The following CDK6 variants were observed in gnomAD, a reference collection of about 807,000 sequenced individuals.
CDK6 encodes cyclin-dependent kinase 6.
In CDK6, 6 loss-of-function variants were observed where a neutral mutation model predicts 37.1. The ratio of observed to expected loss-of-function variants is 0.16; its 90% CI spans 0.09 to 0.32. CDK6 has a LOEUF of 0.32. Ranked by LOEUF, CDK6 falls within the 10% of genes least tolerant of loss-of-function variation. CDK6 has a pLI of 1.00. For synonymous variants in CDK6, 160 were observed against 161.3 expected (o/e 0.99, Z 0.06); for missense variants, 224 against 418.9 (o/e 0.53, Z 4.06).
chr7:92,687,127 C>T (rs1312234215), intron 4 of CDK6, among the ~76,000 whole-genome samples: 2 of 152,142 alleles, frequency 1.3e-5, no homozygotes, highest in South Asian at 2.1e-4. Context: ...AGAAGCAGGG[C>T]CTCGTGATAC....
chr7:92,683,805 C>T (rs1392186064), intron 4 of CDK6, among the ~76,000 whole-genome samples: 1 of 152,052 alleles, frequency 6.6e-6, no homozygotes, highest in African/African-American at 2.4e-5. Flanking sequence ...TCATGCTGTT[C>T]ATTTAGCAAG....
intron 3 of CDK6, among the ~76,000 whole-genome samples, chr7:92,735,798 C>G (rs979232008): frequency 6.6e-6 from 1 of 152,172 alleles, no homozygotes; most frequent in Non-Finnish European, 1.5e-5. Flanking sequence ...ATAGAACATT[C>G]TCACCGATTA....
intron 3 of CDK6, among the ~76,000 whole-genome samples, chr7:92,727,591 G>A (rs1798542226): frequency 6.6e-6 from 1 of 152,120 alleles, no homozygotes; most frequent in African/African-American, 2.4e-5. Context: ...CCTGATTTCT[G>A]GGGGAGACTG....
chr7:92,606,565 T>C lies in CDK6; in HGVS notation c.*8575A>G. On this transcript the variant is annotated 3_prime_UTR_variant, in exon 8 of 8. Transcript: ENST00000424848. Reference sequence around the variant, plus strand: ...TCACACAGCCTAGATGAGTATCTGATATACACAATTTCTACATTTCTAGAA... The same window carrying C: ...TCACACAGCCTAGATGAGTATCTGACATACACAATTTCTACATTTCTAGAA... 4.3e-6 allele frequency: 1 copy of C among 233,216 alleles called. No homozygotes were observed. The highest frequency in any genetic ancestry group is 8.5e-6 in the Non-Finnish European group (1 of 118,008). The allele number at this position is 233,216 out of a possible 1,614,324, so 14.4% of individuals were successfully genotyped here.
chr7:92,665,572 T>C (rs1393214086), intron 5 of CDK6, among the ~76,000 whole-genome samples: 1 of 152,216 alleles, frequency 6.6e-6, no homozygotes, highest in Non-Finnish European at 1.5e-5. Context: ...ATGACTCTCT[T>C]TACTGAGTTT....
intron 5 of CDK6, among the ~76,000 whole-genome samples, chr7:92,656,307 T>C (rs562320585): frequency 2.0e-5 from 3 of 151,974 alleles, no homozygotes; most frequent in African/African-American, 7.2e-5. Flanking sequence ...AGATGGGAGG[T>C]AGATGCTCAG....
chr7:92,755,518 C>T (rs1799294583), intron 3 of CDK6, among the ~76,000 whole-genome samples: 1 of 152,150 alleles, frequency 6.6e-6, no homozygotes, highest in Admixed American at 6.5e-5. Flanking sequence ...TATTCACCAA[C>T]AAGCCAGCTG....
rs958598730 is a variant in CDK6, at chr7:92,833,544, G to A, written c.-221C>T. 6 of 542,846 alleles carry A rather than the reference G, an allele frequency of 1.1e-5. No homozygotes were observed. Among genetic ancestry groups the A allele is most frequent in the African/African-American group, 2.0e-5 (1 of 49,130 alleles). 33.6% of individuals were successfully genotyped at this position (542,846 alleles called of 1,614,324 possible). On this transcript the variant is annotated 5_prime_UTR_variant, in exon 2 of 8. Transcript: ENST00000424848. This position sits in a 1 kb window ranked among gnomAD's most constrained non-coding sequence, Gnocchi z 6.1. ...CTGGCGTAACCCTGGTGCCGCCGCCGCGAAACTCCGCCTGCAGAGTCGCCG... is the reference window on the plus strand; with the variant it reads ...CTGGCGTAACCCTGGTGCCGCCGCCACGAAACTCCGCCTGCAGAGTCGCCG...
Position 92,774,692 on chromosome 7 carries a change from A to G in CDK6, c.369+4T>C, listed in dbSNP as rs1285494973. The G allele has an allele frequency of 3.8e-6, 6 of 1,592,890 alleles. No individual in the cohort carries two copies. Among genetic ancestry groups the G allele is most frequent in the Non-Finnish European group, 5.1e-6 (6 of 1,172,466 alleles). ...TGATAAGACATGAAGATGATTCTTG[A>G]TACCTTTATGGTTTCAGTGGGCACT... is the stretch of plus-strand genomic sequence containing the variant. On this transcript the variant is annotated splice_donor_region_variant and intron_variant, in intron 3 of 7. Transcript: ENST00000424848.
chr7:92,794,357 C>T (rs762527670), intron 2 of CDK6, among the ~76,000 whole-genome samples: 1 of 152,026 alleles, frequency 6.6e-6, no homozygotes, highest in Admixed American at 6.6e-5. Flanking sequence ...AATGAGAGAG[C>T]CAGGATTTGT....
chr7:92,620,763 C>G (rs770375787), intron 6 of CDK6, among the ~76,000 whole-genome samples: 1 of 152,014 alleles, frequency 6.6e-6, no homozygotes, highest in Non-Finnish European at 1.5e-5. Flanking sequence ...TAAAAATTAG[C>G]TGGTTGTGGT....
intron 5 of CDK6, among the ~76,000 whole-genome samples, chr7:92,642,443 G>A (rs1432938464): frequency 6.6e-6 from 1 of 152,104 alleles, no homozygotes; most frequent in Non-Finnish European, 1.5e-5. Context: ...CCCCACGCTT[G>A]AGGTTCTGTC....
chr7:92,798,981 G>T (rs1392976430), intron 2 of CDK6, among the ~76,000 whole-genome samples: 1 of 152,056 alleles, frequency 6.6e-6, no homozygotes, highest in Non-Finnish European at 1.5e-5. Flanking sequence ...TGCTAAATCT[G>T]CAATTCATCA....
At chr7:92,658,023 C>T (rs937788419) in intron 5 of CDK6, among the ~76,000 whole-genome samples, 3 of 152,154 alleles carry the variant, frequency 2.0e-5, no homozygotes, top group African/African-American at 7.2e-5. Context: ...TGGCCAACCT[C>T]CACTTGATAT....
At chr7:92,680,119 C>T (rs1197850415) in intron 4 of CDK6, among the ~76,000 whole-genome samples, 1 of 151,636 alleles carries the variant, frequency 6.6e-6, no homozygotes, top group Non-Finnish European at 1.5e-5. Context: ...AACACCTTAA[C>T]TGGTTATGGA....
In CDK6 at chr7:92,615,293, T is replaced by C. The variant is rs768448320; in HGVS notation, c.835-7A>G. 6 of 1,607,364 alleles carry C rather than the reference T, an allele frequency of 3.7e-6. No individual in the cohort carries two copies. The highest frequency in any genetic ancestry group is 5.1e-6 in the Non-Finnish European group (6 of 1,175,410). ...GGTTAAATGTCAAACACTTCTGTAA[T>C]AAAGAAAAAAATAATTGGTTGATAT... is the stretch of plus-strand genomic sequence containing the variant. On this transcript the variant is annotated splice_region_variant and splice_polypyrimidine_tract_variant and intron_variant, in intron 7 of 7. Transcript: ENST00000424848.
chr7:92,696,014 C>G (rs776350654), intron 4 of CDK6, among the ~76,000 whole-genome samples: 13 of 152,198 alleles, frequency 8.5e-5, no homozygotes, highest in African/African-American at 3.1e-4. Flanking sequence ...GTCAGACCCA[C>G]GGACATGTCA....
chr7:92,807,772 C>G (rs1403280850), intron 2 of CDK6, among the ~76,000 whole-genome samples: 6 of 152,120 alleles, frequency 3.9e-5, no homozygotes, highest in African/African-American at 1.4e-4. Flanking sequence ...CTTCTCTTAT[C>G]TATCATGATG....
chr7:92,723,371 C>A (rs1458336951), intron 4 of CDK6, among the ~76,000 whole-genome samples: 1 of 152,054 alleles, frequency 6.6e-6, no homozygotes, highest in Non-Finnish European at 1.5e-5. Context: ...TAACATTCCA[C>A]AAATTAAGTT....
Sources: allele counts gnomAD v4.1 joint callset (sites outside exome capture counted in the v4.1 genomes callset), GRCh38; gene constraint gnomAD v4.1.1; non-coding constraint Gnocchi (gnomAD v3.1); transcripts MANE v1.5; gene names NCBI Gene and HGNC (gene_info 2026-07-23, HGNC 2026-07-21).